Variants in SAMD12 observed in about 807,000 individuals in gnomAD.
SAMD12 encodes the protein sterile alpha motif domain containing 12, also known as sterile alpha motif domain-containing protein 12.
Under a neutral mutation model 15.0 loss-of-function variants are expected in SAMD12, and 9 were observed. That is an observed-to-expected ratio of 0.60 (90% CI 0.36 to 1.05). SAMD12 has a LOEUF of 1.05. Among genes scored for constraint, SAMD12 ranks in the 50% least tolerant of loss-of-function variants. SAMD12 has a pLI of 0.01. For synonymous variants in SAMD12, 86 were observed against 90.1 expected (o/e 0.96, Z 0.25); for missense variants, 230 against 234.2 (o/e 0.98, Z 0.12).
chr8:118,167,568 T>C, the SAMD12 span, among the ~76,000 whole-genome samples: 1 of 152,076 alleles, frequency 6.6e-6, no homozygotes, highest in Admixed American at 6.6e-5. Context: ...AAGAGGAAAA[T>C]GCTATCAGGA....
intron 4 of SAMD12, among the ~76,000 whole-genome samples, chr8:118,287,413 C>A (rs2130220977): frequency 6.6e-6 from 1 of 152,282 alleles, no homozygotes; most frequent in Non-Finnish European, 1.5e-5. Flanking sequence ...GCGTGAGCCA[C>A]CGCGCCCGGC....
intron 4 of SAMD12, among the ~76,000 whole-genome samples, chr8:118,334,860 C>T (rs892864871): frequency 6.6e-6 from 1 of 152,168 alleles, no homozygotes; most frequent in African/African-American, 2.4e-5. Context: ...TCTCAAAGTG[C>T]TGGATTACGG....
intron 4 of SAMD12, among the ~76,000 whole-genome samples, chr8:118,231,308 C>G (rs770250447): frequency 1.1e-4 from 17 of 152,102 alleles, no homozygotes; most frequent in Non-Finnish European, 1.9e-4. Context: ...GAGTGATGCA[C>G]TTCCTAGGAA....
At chr8:118,236,909 C>T (rs979881165) in intron 4 of SAMD12, among the ~76,000 whole-genome samples, 2 of 152,084 alleles carry the variant, frequency 1.3e-5, no homozygotes, top group African/African-American at 4.8e-5. Flanking sequence ...TTCTAATCAG[C>T]CCTGAGAAGA....
intron 4 of SAMD12, among the ~76,000 whole-genome samples, chr8:118,211,009 C>T (rs956662436): frequency 6.6e-6 from 1 of 152,180 alleles, no homozygotes. Flanking sequence ...AGAAAGCTCC[C>T]AGTCTAATGA....
chr8:118,454,703 T>C (rs968760178), intron 2 of SAMD12, among the ~76,000 whole-genome samples: 8 of 152,246 alleles, frequency 5.3e-5, no homozygotes, highest in African/African-American at 1.9e-4. Flanking sequence ...AAGTACACAC[T>C]GTTGTGTAAC....
At chr8:118,399,190 A>AT (rs1209005975) in intron 3 of SAMD12, among the ~76,000 whole-genome samples, 205 of 112,522 alleles carry the variant, frequency 1.8e-3, no homozygotes, top group African/African-American at 7.0e-3. Context: ...GGCCCGATAA[A>AT]TTTTTTTTTT....
At chr8:118,531,893 T>C (rs1825697081) in intron 2 of SAMD12, among the ~76,000 whole-genome samples, 1 of 152,204 alleles carries the variant, frequency 6.6e-6, no homozygotes, top group South Asian at 2.1e-4. Context: ...TTCGACTTCC[T>C]CTTTTCCTAA....
exon 5 of SAMD12, chr8:118,191,774 A>C (rs1463477282): frequency 0.017 from 477 of 28,074 alleles, 35 homozygotes; most frequent in African/African-American, 0.086. Context: ...ATATATATAT[A>C]TATATATATA....
chr8:118,264,115 C>T (rs956318706), intron 4 of SAMD12, among the ~76,000 whole-genome samples: 1 of 152,112 alleles, frequency 6.6e-6, no homozygotes, highest in Non-Finnish European at 1.5e-5. Flanking sequence ...CAAGCATCAA[C>T]ACAATCTTCT....
At chr8:118,287,286 G>A (rs1586435622) in intron 4 of SAMD12, among the ~76,000 whole-genome samples, 1 of 119,902 alleles carries the variant, frequency 8.3e-6, no homozygotes, top group East Asian at 2.5e-4. Context: ...CACTGCGCCC[G>A]GCTAATTTTT....
At chr8:118,518,084 C>G (rs557607151) in intron 2 of SAMD12, among the ~76,000 whole-genome samples, 2 of 152,266 alleles carry the variant, frequency 1.3e-5, no homozygotes, top group African/African-American at 4.8e-5. Context: ...ATAAAGATTT[C>G]TAATTTGCCC....
At chr8:118,137,673 C>G in the SAMD12 span, among the ~76,000 whole-genome samples, 3 of 152,280 alleles carry the variant, frequency 2.0e-5, no homozygotes, top group South Asian at 6.2e-4. Context: ...TCTTTATGCT[C>G]TTTTGGCATC....
At chr8:118,384,534 G>A (rs1819842242) in intron 3 of SAMD12, among the ~76,000 whole-genome samples, 1 of 152,050 alleles carries the variant, frequency 6.6e-6, no homozygotes, top group Non-Finnish European at 1.5e-5. Flanking sequence ...CCCAGAAGTG[G>A]GGTCTGAGGG....
intron 4 of SAMD12, among the ~76,000 whole-genome samples, chr8:118,213,528 A>G (rs13253524): frequency 0.51 from 77,389 of 152,062 alleles, 21,284 homozygotes; most frequent in Non-Finnish European, 0.62. Flanking sequence ...TCAGTCCCCA[A>G]TGATAGTATG....
chr8:118,521,539 C>T (rs554901222), intron 2 of SAMD12, among the ~76,000 whole-genome samples: 2 of 152,256 alleles, frequency 1.3e-5, no homozygotes, highest in East Asian at 3.9e-4. Context: ...CTCCAGCTGC[C>T]TGCATATTTG....
intron 4 of SAMD12, chr8:118,295,657 T>C (rs2130288739): frequency 6.6e-6 from 1 of 152,082 alleles, no homozygotes; most frequent in South Asian, 2.1e-4. Context: ...TTTTTTTTTT[T>C]TTTTTTTTTT....
chr8:118,488,043 A>G (rs1395355330), intron 2 of SAMD12, among the ~76,000 whole-genome samples: 3 of 152,206 alleles, frequency 2.0e-5, no homozygotes, highest in Admixed American at 1.3e-4. Context: ...AAGTATGTGA[A>G]AGCAGGTCTC....
chr8:118,600,943 G>A (rs752840756), intron 1 of SAMD12, among the ~76,000 whole-genome samples: 5 of 152,120 alleles, frequency 3.3e-5, no homozygotes, highest in African/African-American at 4.8e-5. Flanking sequence ...TCCTTATTCC[G>A]ACTCATGACA....
Sources: allele counts gnomAD v4.1 joint callset (sites outside exome capture counted in the v4.1 genomes callset), GRCh38; gene constraint gnomAD v4.1.1; transcripts MANE v1.5; gene names NCBI Gene and HGNC (gene_info 2026-07-23, HGNC 2026-07-21).